The following GSK3B variants were observed in gnomAD, a reference collection of about 807,000 sequenced individuals.
GSK3B encodes glycogen synthase kinase 3 beta, also known as glycogen synthase kinase-3 beta.
A neutral mutation model predicts 56.4 loss-of-function variants in GSK3B; 15 were observed. The observed-to-expected ratio is 0.27, with a 90% CI of 0.18 to 0.41. GSK3B has a LOEUF of 0.41. Among genes scored for constraint, GSK3B ranks in the 10% least tolerant of loss-of-function variants. The probability of loss-of-function intolerance (pLI) is 1.00; values close to 1 mark genes in which losing one functional copy is unlikely to be tolerated. For synonymous variants in GSK3B, 181 were observed against 188.9 expected (o/e 0.96, Z 0.34); for missense variants, 300 against 513.4 (o/e 0.58, Z 4.02).
chr3:120,044,079 T>C (rs2058084042), intron 1 of GSK3B, among the ~76,000 whole-genome samples: 1 of 152,212 alleles, frequency 6.6e-6, no homozygotes, highest in South Asian at 2.1e-4. Flanking sequence ...TCCACTCGAA[T>C]GGTGCTCCAG....
chr3:119,853,610 G>A (rs1025417299), intron 9 of GSK3B, among the ~76,000 whole-genome samples: 3 of 152,176 alleles, frequency 2.0e-5, no homozygotes, highest in Non-Finnish European at 4.4e-5. Context: ...GCAGTGGTTT[G>A]TAGTTCTCCT....
intron 1 of GSK3B, among the ~76,000 whole-genome samples, chr3:120,004,561 G>C (rs2057709430): frequency 6.6e-6 from 1 of 152,156 alleles, no homozygotes; most frequent in African/African-American, 2.4e-5. Context: ...CTGGGACGAA[G>C]CATCCAGAGG....
chr3:119,914,273 A>T (rs1162571583), intron 5 of GSK3B, among the ~76,000 whole-genome samples: 1 of 152,118 alleles, frequency 6.6e-6, no homozygotes, highest in Non-Finnish European at 1.5e-5. Flanking sequence ...TACAGTCCAA[A>T]GTGTTTCCCA....
intron 4 of GSK3B, among the ~76,000 whole-genome samples, chr3:119,919,144 G>C (rs1247467376): frequency 1.3e-5 from 2 of 152,086 alleles, no homozygotes; most frequent in African/African-American, 4.8e-5. Flanking sequence ...GAAAAGCAAA[G>C]GTGCTCAGTT....
chr3:119,946,713 CT>C (rs1355039686), intron 3 of GSK3B, among the ~76,000 whole-genome samples: 4 of 152,156 alleles, frequency 2.6e-5, no homozygotes, highest in Non-Finnish European at 4.4e-5. Flanking sequence ...AGCACAAAGT[CT>C]TCTTTATCCT....
intron 2 of GSK3B, among the ~76,000 whole-genome samples, chr3:119,961,581 T>C (rs1043433519): frequency 6.7e-6 from 1 of 149,494 alleles, no homozygotes; most frequent in African/African-American, 2.5e-5. Context: ...TGAGCTGAGA[T>C]TGGGCCACTG....
rs142495292 is a variant in GSK3B, at chr3:120,037,040, C to T, written c.89-34801G>A. 5.8e-3 allele frequency among the ~76,000 whole-genome samples: 877 copies of T among 152,224 alleles called. 4 individuals are homozygous for T. The highest frequency in any genetic ancestry group is 0.017 in the Middle Eastern group (5 of 294). ...GTGATAACTCAGCAGAACAGCAGTT[C>T]CTATCACTGCATTAAACAATTATCA... On this transcript the variant is annotated intron_variant, in intron 1 of 10. Transcript: ENST00000264235.
intron 1 of GSK3B, among the ~76,000 whole-genome samples, chr3:120,089,051 T>C (rs1213492788): frequency 1.3e-5 from 2 of 152,218 alleles, no homozygotes; most frequent in African/African-American, 4.8e-5. Flanking sequence ...TCCAAAATAT[T>C]ATCTCACACC....
intron 1 of GSK3B, among the ~76,000 whole-genome samples, chr3:120,078,709 T>C (rs2107573628): frequency 6.6e-6 from 1 of 151,112 alleles, no homozygotes; most frequent in Non-Finnish European, 1.5e-5. Flanking sequence ...TGCACCACCA[T>C]GCCCAGCTAA....
intron 1 of GSK3B, among the ~76,000 whole-genome samples, chr3:120,033,786 T>TCG (rs964228525): frequency 9.9e-5 from 15 of 152,222 alleles, no homozygotes; most frequent in African/African-American, 3.4e-4. Flanking sequence ...GCTTGCTCGC[T>TCG]CGCTCTCTCT....
chr3:119,841,954 G>C (rs2055777462), intron 10 of GSK3B, among the ~76,000 whole-genome samples: 2 of 152,064 alleles, frequency 1.3e-5, no homozygotes, highest in South Asian at 4.2e-4. Flanking sequence ...TTAATGATAA[G>C]AACTAGTAAT....
intron 1 of GSK3B, among the ~76,000 whole-genome samples, chr3:120,043,997 T>C (rs6438555): frequency 0.21 from 32,563 of 152,194 alleles, 3,769 homozygotes; most frequent in African/African-American, 0.3. Flanking sequence ...TCAAAAATTC[T>C]GTCCGCACAT....
intron 2 of GSK3B, among the ~76,000 whole-genome samples, chr3:119,979,605 A>G (rs2057441562): frequency 6.6e-6 from 1 of 152,238 alleles, no homozygotes; most frequent in South Asian, 2.1e-4. Context: ...GTCACAGATC[A>G]AAACTATGAG....
intron 2 of GSK3B, among the ~76,000 whole-genome samples, chr3:119,965,663 G>A (rs116219903): frequency 0.016 from 2,433 of 152,164 alleles, 64 homozygotes; most frequent in African/African-American, 0.055. Context: ...ATCTACCTAG[G>A]AAATAAGAAA....
chr3:119,955,944 C>A (rs114258487), intron 2 of GSK3B, among the ~76,000 whole-genome samples: 2,425 of 152,174 alleles, frequency 0.016, 62 homozygotes, highest in African/African-American at 0.055. Flanking sequence ...TGAGCCACCT[C>A]ACCCAGCCCA....
intron 10 of GSK3B, among the ~76,000 whole-genome samples, chr3:119,830,055 G>C (rs537609569): frequency 6.6e-6 from 1 of 152,316 alleles, no homozygotes; most frequent in Admixed American, 6.5e-5. Context: ...AAAGTACAGA[G>C]AGGGAAAAAG....
chr3:119,983,054 A>G (rs2057479899), intron 2 of GSK3B, among the ~76,000 whole-genome samples: 1 of 152,230 alleles, frequency 6.6e-6, no homozygotes, highest in Non-Finnish European at 1.5e-5. Context: ...GCCAATATTC[A>G]AAATTCTTAA....
intron 3 of GSK3B, among the ~76,000 whole-genome samples, chr3:119,937,904 G>T (rs1392203850): frequency 2.6e-5 from 4 of 151,106 alleles, no homozygotes; most frequent in African/African-American, 7.4e-5. Flanking sequence ...CAAATAAAAA[G>T]AAAAAGAATT....
intron 1 of GSK3B, among the ~76,000 whole-genome samples, chr3:120,042,727 C>T (rs963464991): frequency 1.4e-4 from 21 of 152,150 alleles, no homozygotes; most frequent in African/African-American, 4.6e-4. Context: ...CATTAAAAAG[C>T]TATCCCAAGC....
Sources: gnomAD v4.1 joint callset for allele counts (sites outside exome capture counted in the v4.1 genomes callset) on GRCh38, gnomAD v4.1.1 for gene constraint, MANE v1.5 for transcripts, NCBI Gene and HGNC (gene_info 2026-07-23, HGNC 2026-07-21) for gene names.